Variants in HELZ observed in about 807,000 individuals in gnomAD.
The protein encoded by HELZ is helicase with zinc finger.
In HELZ, 23 loss-of-function variants were observed where a neutral mutation model predicts 218.2. That is an observed-to-expected ratio of 0.11 (90% CI 0.08 to 0.15). The LOEUF is 0.15. HELZ is among the 10% of genes least tolerant of loss of function. HELZ has a pLI of 1.00. For synonymous variants in HELZ, 814 were observed against 829.4 expected, an observed-to-expected ratio of 0.98 and a Z score of 0.32; for missense variants, 1,813 against 2,353.7, an observed-to-expected ratio of 0.77 and a Z score of 4.75.
At chr17:67,163,402 A>ATCTT (rs1311855884) in intron 15 of HELZ, among the ~76,000 whole-genome samples, 1 of 804 alleles carries the variant, frequency 1.2e-3, no homozygotes, top group Non-Finnish European at 3.1e-3. Flanking sequence ...CCAACTTAGT[A>ATCTT]TCTTTTTCTT....
chr17:67,097,510 C>T (rs1043961405), intron 31 of HELZ, among the ~76,000 whole-genome samples: 7 of 152,142 alleles, frequency 4.6e-5, no homozygotes, highest in Admixed American at 1.3e-4. Context: ...ATCTCAGAGG[C>T]AAGGGCACTT....
intron 3 of HELZ, among the ~76,000 whole-genome samples, chr17:67,236,918 G>T (rs2143483650): frequency 6.6e-6 from 1 of 152,164 alleles, no homozygotes; most frequent in South Asian, 2.1e-4. Context: ...TACTCTCCTT[G>T]GTCATGATGA....
At chr17:67,240,511 G>A (rs76211996) in intron 2 of HELZ, among the ~76,000 whole-genome samples, 2,825 of 152,168 alleles carry the variant, frequency 0.019, 82 homozygotes, top group African/African-American at 0.061. Context: ...AGTTAAACAC[G>A]TTGCCTACTG....
chr17:67,203,337 T>G lies in HELZ; in HGVS notation c.354A>C (p.Ser118=), dbSNP rs1041878924. 5.3e-5 allele frequency: 86 copies of G among 1,613,940 alleles called. No homozygotes were observed. Among genetic ancestry groups the G allele is most frequent in the Non-Finnish European group, 6.9e-5 (82 of 1,179,974 alleles). Residue 118 remains serine, a synonymous_variant, in exon 6 of 33, where the codon TCA becomes TCC. Coordinates refer to ENST00000358691, the MANE Select transcript of HELZ (RefSeq NM_014877.4). Reference sequence around the variant, plus strand: ...AACATACCAGGGACTCTCCTGTGAGTGACTTGGCAAGAATGGTGGATACAG... The same window carrying G: ...AACATACCAGGGACTCTCCTGTGAGGGACTTGGCAAGAATGGTGGATACAG... ...LQPVSTILAK[S]LTGESLNGMV... is the part of the protein sequence containing the mutation.
intron 3 of HELZ, among the ~76,000 whole-genome samples, chr17:67,237,472 A>C (rs907852504): frequency 1.3e-5 from 2 of 152,156 alleles, no homozygotes; most frequent in Non-Finnish European, 2.9e-5. Context: ...TTAGCAGTGG[A>C]CTGTATCAGT....
At chr17:67,221,704 T>C (rs2040748509) in intron 3 of HELZ, among the ~76,000 whole-genome samples, 1 of 152,182 alleles carries the variant, frequency 6.6e-6, no homozygotes, top group African/African-American at 2.4e-5. Context: ...AAGGATTAAG[T>C]GAAATAATAC....
intron 17 of HELZ, among the ~76,000 whole-genome samples, chr17:67,159,534 ATATTAGTT>A (rs1176438124): frequency 2.0e-5 from 3 of 152,222 alleles, no homozygotes; most frequent in Non-Finnish European, 4.4e-5. Context: ...AGGGCATGAC[ATATTAGTT>A]TGTAAAATGG....
chr17:67,109,602 C>G lies in HELZ; in HGVS notation c.4003G>C (p.Asp1335His). 6.2e-7 allele frequency: 1 copy of G among 1,614,088 alleles called. No homozygotes were observed. Among genetic ancestry groups the G allele is most frequent in the South Asian group, 1.1e-5 (1 of 91,076 alleles). ...TTTATGTGTCTTGGGTTGAGATTAT[C>G]TTTGCGAGGAAATTTGGTACTGGGA... ...VYPSTKFPRK[D>H]NLNPRHINLP... Residue 1335 changes from aspartate to histidine, a missense_variant, in exon 29 of 33, where the codon GAT (aspartate) becomes CAT (histidine). Transcript: ENST00000358691.
At chr17:67,226,460 A>AAT (rs1238891562) in intron 3 of HELZ, among the ~76,000 whole-genome samples, 1 of 152,178 alleles carries the variant, frequency 6.6e-6, no homozygotes, top group Non-Finnish European at 1.5e-5. Flanking sequence ...AGATTCCACT[A>AAT]CATACCTATT....
chr17:67,128,167 C>CTT (rs1258771388), intron 24 of HELZ, among the ~76,000 whole-genome samples: 1 of 152,172 alleles, frequency 6.6e-6, no homozygotes, highest in Admixed American at 6.5e-5. Context: ...TTAAAGTCAT[C>CTT]TTCAAGAAGT....
At chr17:67,176,960 A>G (rs572094946) in intron 13 of HELZ, among the ~76,000 whole-genome samples, 1 of 150,528 alleles carries the variant, frequency 6.6e-6, no homozygotes, top group African/African-American at 2.4e-5. Flanking sequence ...CATAGAGTGC[A>G]CTTTCAACTA....
intron 27 of HELZ, 72 bp downstream of exon 27, chr17:67,120,332 AG>A (rs1383979212): frequency 2.4e-6 from 3 of 1,230,318 alleles, no homozygotes; most frequent in African/African-American, 3.0e-5. Flanking sequence ...ATACTGTTAA[AG>A]GAACTTTCTA....
chr17:67,170,332 T>C (rs1181994749), intron 13 of HELZ, among the ~76,000 whole-genome samples: 1 of 152,162 alleles, frequency 6.6e-6, no homozygotes, highest in African/African-American at 2.4e-5. Context: ...CTGGCCAACC[T>C]GGTGAAACCC....
At chr17:67,125,288 A>T (rs1238367700) in intron 24 of HELZ, among the ~76,000 whole-genome samples, 1 of 2,024 alleles carries the variant, frequency 4.9e-4, no homozygotes, top group Non-Finnish European at 1.0e-3. Flanking sequence ...GGCACCAACT[A>T]TATATATATA....
intron 7 of HELZ, among the ~76,000 whole-genome samples, chr17:67,195,698 C>T (rs1471999219): frequency 6.6e-6 from 1 of 152,034 alleles, no homozygotes; most frequent in African/African-American, 2.4e-5. Flanking sequence ...AGGCCTCCTA[C>T]ATAGAAATTA....
chr17:67,225,830 CAAAATCGAT>C (rs1465454479), intron 3 of HELZ, among the ~76,000 whole-genome samples: 1 of 152,030 alleles, frequency 6.6e-6, no homozygotes, highest in Non-Finnish European at 1.5e-5. Context: ...GACAAAAGAG[CAAAATCGAT>C]AAATTTTATC....
intron 31 of HELZ, among the ~76,000 whole-genome samples, chr17:67,092,243 A>G (rs527744351): frequency 1.3e-5 from 2 of 152,328 alleles, no homozygotes; most frequent in African/African-American, 4.8e-5. Flanking sequence ...AATCAAGACC[A>G]TGAGCCTCGT....
chr17:67,222,785 C>A (rs2040782071), intron 3 of HELZ, among the ~76,000 whole-genome samples: 1 of 152,166 alleles, frequency 6.6e-6, no homozygotes, highest in African/African-American at 2.4e-5. Context: ...CTAAAATGGA[C>A]TATGGATAAT....
intron 17 of HELZ, among the ~76,000 whole-genome samples, chr17:67,159,943 G>T (rs2038949691): frequency 6.6e-6 from 1 of 152,074 alleles, no homozygotes; most frequent in African/African-American, 2.4e-5. Flanking sequence ...TACTGAACTA[G>T]ATTTAATTTA....
Sources: allele counts gnomAD v4.1 joint callset (sites outside exome capture counted in the v4.1 genomes callset), GRCh38; gene constraint gnomAD v4.1.1; transcripts MANE v1.5; gene names NCBI Gene and HGNC (gene_info 2026-07-23, HGNC 2026-07-21).